Variants in TPRG1 observed in about 807,000 individuals in gnomAD.
The protein encoded by TPRG1 is tumor protein p63-regulated gene 1 protein.
Under a neutral mutation model 29.3 loss-of-function variants are expected in TPRG1, and 29 were observed. That is an observed-to-expected ratio of 0.99 (90% confidence interval 0.74 to 1.35). The LOEUF is 1.35. Ranked by LOEUF, TPRG1 falls within the 40% of genes most tolerant of loss-of-function variation. The pLI is 0.00. For synonymous variants in TPRG1, 130 were observed against 116.8 expected (o/e 1.11, Z -0.73); for missense variants, 327 against 335.0 (o/e 0.98, Z 0.19).
intron 4 of TPRG1, among the ~76,000 whole-genome samples, chr3:189,041,496 G>A (rs1714632971): frequency 6.6e-6 from 1 of 152,194 alleles, no homozygotes; most frequent in South Asian, 2.1e-4. Flanking sequence ...TTGTGATTAA[G>A]TAAGCACTCA....
At chr3:189,259,310 G>A (rs773182855) in intron 4 of TPRG1, among the ~76,000 whole-genome samples, 18 of 151,678 alleles carry the variant, frequency 1.2e-4, no homozygotes, top group Non-Finnish European at 2.4e-4. Context: ...GCTTCTGCTT[G>A]CCCTCTGTGG....
chr3:189,106,447 C>T (rs902017096), intron 1 of TPRG1, among the ~76,000 whole-genome samples: 1 of 152,066 alleles, frequency 6.6e-6, no homozygotes, highest in Non-Finnish European at 1.5e-5. Context: ...AATTTTGTAA[C>T]CTGCCTTTAA....
At chr3:189,127,760 G>A (rs1335844000) in intron 2 of TPRG1, among the ~76,000 whole-genome samples, 1 of 152,176 alleles carries the variant, frequency 6.6e-6, no homozygotes, top group African/African-American at 2.4e-5. Context: ...GAACCTTGAG[G>A]TCCAGATGTT....
In TPRG1 at chr3:189,079,976, A is replaced by G. The variant is rs559754119; in HGVS notation, c.-462-47081A>G. ...ATACTTTTTTGTGCCCTCCCTCCAA[A>G]TTCCAACACCTGATGTGGTTGGATG... On this transcript the variant is annotated intron_variant, in intron 4 of 10. Coordinates refer to the TPRG1 transcript ENST00000433971. Among the ~76,000 whole-genome samples the G allele has an allele frequency of 4.6e-5, 7 of 152,296 alleles. No individual in the cohort carries two copies. In the South Asian group the frequency reaches 1.5e-3, roughly 32 times the overall value.
chr3:189,078,068 C>CCTTTCTCTCTTTCTCTCTTTCTCT (rs1553899954), intron 4 of TPRG1, among the ~76,000 whole-genome samples: 4 of 124,148 alleles, frequency 3.2e-5, no homozygotes, highest in African/African-American at 1.4e-4. Flanking sequence ...TCCTTTCTCT[C>CCTTTCTCTCTTTCTCTCTTTCTCT]CTTTCTCTCT....
chr3:189,011,727 G>T (rs1712611567), intron 3 of TPRG1, among the ~76,000 whole-genome samples: 1 of 152,102 alleles, frequency 6.6e-6, no homozygotes, highest in Non-Finnish European at 1.5e-5. Context: ...ATGAGATTTG[G>T]GTGGGACAAA....
chr3:189,255,297 C>T (rs1201930075), intron 4 of TPRG1, among the ~76,000 whole-genome samples: 1 of 152,010 alleles, frequency 6.6e-6, no homozygotes, highest in Non-Finnish European at 1.5e-5. Context: ...GTTTTTGTCA[C>T]TGGTTGTGCT....
intron 4 of TPRG1, among the ~76,000 whole-genome samples, chr3:189,304,695 G>A (rs1158581129): frequency 2.6e-5 from 4 of 152,152 alleles, no homozygotes; most frequent in African/African-American, 9.7e-5. Context: ...GAGCAAAGGA[G>A]CATTGAATAC....
intron 5 of TPRG1, chr3:189,315,581 A>G: frequency 2.3e-6 from 1 of 443,082 alleles, no homozygotes; most frequent in South Asian, 1.6e-5. Context: ...TACAACCATC[A>G]TGATCTACAG....
At chr3:189,156,290 GT>G (rs1726656179) in intron 5 of TPRG1, among the ~76,000 whole-genome samples, 1 of 151,802 alleles carries the variant, frequency 6.6e-6, no homozygotes, top group Non-Finnish European at 1.5e-5. Context: ...CAAAGAAAAG[GT>G]TTTTCTCTTA....
intron 2 of TPRG1, among the ~76,000 whole-genome samples, chr3:189,209,579 T>C (rs1734942879): frequency 6.6e-6 from 1 of 152,142 alleles, no homozygotes; most frequent in Non-Finnish European, 1.5e-5. Flanking sequence ...ATCCGTGTTT[T>C]AAAGATGAAC....
At chr3:189,212,100 G>A (rs1735357884) in intron 2 of TPRG1, 1 of 152,084 alleles carries the variant, frequency 6.6e-6, no homozygotes, top group African/African-American at 2.4e-5. Flanking sequence ...TAAACTCTCT[G>A]TAGGACTCTA....
At chr3:189,209,858 C>T (rs1417189272) in intron 2 of TPRG1, among the ~76,000 whole-genome samples, 1 of 152,108 alleles carries the variant, frequency 6.6e-6, no homozygotes, top group Non-Finnish European at 1.5e-5. Flanking sequence ...AACCTGAAGA[C>T]TCTGGGAACC....
At chr3:189,093,277 C>A (rs937720896) in intron 4 of TPRG1, among the ~76,000 whole-genome samples, 2 of 152,100 alleles carry the variant, frequency 1.3e-5, no homozygotes, top group Admixed American at 1.3e-4. Context: ...CTGCATTTTG[C>A]TTGGGTTTAT....
chr3:189,108,351 A>G (rs1403524968), intron 1 of TPRG1, among the ~76,000 whole-genome samples: 1 of 152,154 alleles, frequency 6.6e-6, no homozygotes, highest in Non-Finnish European at 1.5e-5. Context: ...GCTGCTTGCT[A>G]GAAAGAAAAT....
intron 4 of TPRG1, 195 bp from the exon 5 acceptor site, chr3:189,310,191 A>G (rs1299331949): frequency 2.6e-6 from 1 of 387,562 alleles, no homozygotes; most frequent in Non-Finnish European, 4.6e-6. Flanking sequence ...GGTGTTTCCC[A>G]TATAGAATTC....
chr3:188,999,086 G>T (rs939193139), intron 1 of TPRG1, among the ~76,000 whole-genome samples: 3 of 152,192 alleles, frequency 2.0e-5, no homozygotes, highest in Non-Finnish European at 4.4e-5. Flanking sequence ...TTTGGCTATT[G>T]TGTGGAAAGG....
chr3:189,046,194 A>C (rs1178214787), intron 4 of TPRG1, among the ~76,000 whole-genome samples: 2 of 152,250 alleles, frequency 1.3e-5, no homozygotes. Context: ...CTTCCTGTGC[A>C]CACTGACTGT....
chr3:189,169,352 A>G (rs1236172472), upstream of TPRG1, among the ~76,000 whole-genome samples: 1 of 152,082 alleles, frequency 6.6e-6, no homozygotes, highest in African/African-American at 2.4e-5. Flanking sequence ...TTTAGTAGAG[A>G]CAGGGTTTCA....
Sources: gnomAD v4.1 joint callset for allele counts (sites outside exome capture counted in the v4.1 genomes callset) on GRCh38, gnomAD v4.1.1 for gene constraint, MANE v1.5 for transcripts, NCBI Gene and HGNC (gene_info 2026-07-23, HGNC 2026-07-21) for gene names.